The following RCAN2 variants were observed in gnomAD, a reference collection of about 807,000 sequenced individuals.
RCAN2 encodes calcipressin-2.
Under a neutral mutation model 23.6 loss-of-function variants are expected in RCAN2, and 9 were observed. The ratio of observed to expected loss-of-function variants is 0.38; its 90% CI spans 0.23 to 0.67. The LOEUF (loss-of-function observed/expected upper bound fraction) is 0.67. Ranked by LOEUF, RCAN2 falls within the 30% of genes least tolerant of loss-of-function variation. The pLI, the probability that RCAN2 is intolerant of heterozygous loss-of-function variation, is 0.51. For synonymous variants in RCAN2, 109 were observed against 115.7 expected (o/e 0.94, Z 0.37); for missense variants, 273 against 302.3 (o/e 0.90, Z 0.72).
At chr6:46,347,817 G>A (rs1235745044) in intron 2 of RCAN2, among the ~76,000 whole-genome samples, 1 of 152,316 alleles carries the variant, frequency 6.6e-6, no homozygotes, top group South Asian at 2.1e-4. Flanking sequence ...CCAGGGGAAA[G>A]TTCAGCTTAA....
chr6:46,310,044 T>C, intron 2 of RCAN2, among the ~76,000 whole-genome samples: 1 of 152,128 alleles, frequency 6.6e-6, no homozygotes. Context: ...TACCCATCCC[T>C]GGTAGACTAA....
chr6:46,300,559 T>G (rs1477433614), intron 2 of RCAN2, among the ~76,000 whole-genome samples: 1 of 152,034 alleles, frequency 6.6e-6, no homozygotes, highest in Non-Finnish European at 1.5e-5. Context: ...TAATTTTATT[T>G]TATACCTTGC....
intron 2 of RCAN2, among the ~76,000 whole-genome samples, chr6:46,455,833 G>A (rs1768006268): frequency 6.7e-6 from 1 of 149,194 alleles, no homozygotes; most frequent in Admixed American, 6.7e-5. Flanking sequence ...CTCCAGCCTG[G>A]GCAACAGAGC....
At chr6:46,338,580 A>G (rs2150371092) in intron 2 of RCAN2, among the ~76,000 whole-genome samples, 1 of 152,262 alleles carries the variant, frequency 6.6e-6, no homozygotes, top group Non-Finnish European at 1.5e-5. Context: ...AAAAATAACA[A>G]AAGTCTGTTA....
At chr6:46,491,963 C>A (rs1769167818), upstream of RCAN2, 2 of 152,358 alleles carry the variant, frequency 1.3e-5, no homozygotes, top group Admixed American at 1.3e-4. Context: ...TGGGCGCTGG[C>A]GCCCTCTGGC....
chr6:46,249,317 C>CTTTTTTTTT (rs11331303), intron 2 of RCAN2, among the ~76,000 whole-genome samples: 1 of 97,118 alleles, frequency 1.0e-5, no homozygotes, highest in Non-Finnish European at 2.1e-5. Context: ...TTCTTTCTTT[C>CTTTTTTTTT]TTTTTTTTTT....
intron 2 of RCAN2, among the ~76,000 whole-genome samples, chr6:46,344,132 G>T (rs973625489): frequency 6.6e-6 from 1 of 152,104 alleles, no homozygotes; most frequent in African/African-American, 2.4e-5. Flanking sequence ...TTGTGATGAT[G>T]GTTGTATAAT....
At chr6:46,254,741 TTGGAAATAGGGTCATCAAAGA>T (rs1226307479) in intron 2 of RCAN2, among the ~76,000 whole-genome samples, 82 of 152,194 alleles carry the variant, frequency 5.4e-4, no homozygotes, top group Middle Eastern at 3.4e-3. Flanking sequence ...ATGACCTTGT[TTGGAAATAGGGTCATCAAAGA>T]TGTAATTAGT....
chr6:46,294,099 G>A (rs990160949), intron 2 of RCAN2, among the ~76,000 whole-genome samples: 1 of 152,152 alleles, frequency 6.6e-6, no homozygotes, highest in South Asian at 2.1e-4. Flanking sequence ...GAATGATACA[G>A]GATTTTGACA....
chr6:46,344,272 A>G (rs1307935443), intron 2 of RCAN2, among the ~76,000 whole-genome samples: 1 of 152,194 alleles, frequency 6.6e-6, no homozygotes, highest in Admixed American at 6.5e-5. Flanking sequence ...AACAGAAAAA[A>G]GAAAAACAGG....
At chr6:46,369,763 T>A (rs962271039) in intron 2 of RCAN2, among the ~76,000 whole-genome samples, 10 of 152,250 alleles carry the variant, frequency 6.6e-5, no homozygotes, top group African/African-American at 2.2e-4. Context: ...GACGTAGTTT[T>A]AAATCATTCA....
intron 2 of RCAN2, among the ~76,000 whole-genome samples, chr6:46,419,401 TC>T (rs1210568785): frequency 6.6e-6 from 1 of 152,168 alleles, no homozygotes; most frequent in Non-Finnish European, 1.5e-5. Context: ...TATTCCAACT[TC>T]TTCCTCATCC....
At chr6:46,299,817 TTG>T (rs1762846203) in intron 2 of RCAN2, among the ~76,000 whole-genome samples, 1 of 152,004 alleles carries the variant, frequency 6.6e-6, no homozygotes, top group African/African-American at 2.4e-5. Flanking sequence ...GAATACAATA[TTG>T]AACACAGTAA....
chr6:46,292,538 C>A (rs1320058953), intron 2 of RCAN2, among the ~76,000 whole-genome samples: 2 of 147,336 alleles, frequency 1.4e-5, no homozygotes, highest in Admixed American at 6.9e-5. Flanking sequence ...TATAATTGAA[C>A]CTCAAATGAT....
intron 2 of RCAN2, among the ~76,000 whole-genome samples, chr6:46,344,516 GT>G (rs1432819739): frequency 4.6e-5 from 7 of 151,868 alleles, no homozygotes; most frequent in African/African-American, 2.4e-5. Flanking sequence ...GAATTATGAA[GT>G]TTACAGCATA....
chr6:46,440,383 T>C (rs939572014), intron 2 of RCAN2, among the ~76,000 whole-genome samples: 1 of 151,942 alleles, frequency 6.6e-6, no homozygotes, highest in African/African-American at 2.4e-5. Context: ...CTAAACCATA[T>C]GAGTCACGGC....
intron 2 of RCAN2, among the ~76,000 whole-genome samples, chr6:46,371,243 G>A (rs1306556549): frequency 1.3e-5 from 2 of 152,190 alleles, no homozygotes; most frequent in African/African-American, 4.8e-5. Flanking sequence ...ACGGTGAGTA[G>A]AGGGGTAGAG....
At chr6:46,380,987 G>A (rs1165152951) in intron 2 of RCAN2, among the ~76,000 whole-genome samples, 3 of 152,158 alleles carry the variant, frequency 2.0e-5, no homozygotes, top group African/African-American at 7.2e-5. Context: ...ATCTGTGCCT[G>A]GAAAAGCAAT....
intron 1 of RCAN2, among the ~76,000 whole-genome samples, chr6:46,466,585 T>G (rs917653106): frequency 2.0e-5 from 3 of 152,252 alleles, no homozygotes; most frequent in African/African-American, 7.2e-5. Flanking sequence ...GCAGACAGTA[T>G]GCTATTTTTT....
Sources: gnomAD v4.1 joint callset for allele counts (sites outside exome capture counted in the v4.1 genomes callset) on GRCh38, gnomAD v4.1.1 for gene constraint, MANE v1.5 for transcripts, NCBI Gene and HGNC (gene_info 2026-07-23, HGNC 2026-07-21) for gene names.